PTPRA: variants seen among roughly 807,000 people sequenced by gnomAD.
PTPRA encodes protein tyrosine phosphatase receptor type A.
A neutral mutation model predicts 104.8 loss-of-function variants in PTPRA; 25 were observed. The observed-to-expected ratio is 0.24, with a 90% CI of 0.17 to 0.33. PTPRA has a LOEUF of 0.33. Ranked by LOEUF, PTPRA falls within the 10% of genes least tolerant of loss-of-function variation. The pLI is 1.00. For missense variants in PTPRA, 765 were observed against 1,015.3 expected, an observed-to-expected ratio of 0.75 and a Z score of 3.35; for synonymous variants, 323 against 368.9, an observed-to-expected ratio of 0.88 and a Z score of 1.43.
At chr20:3,021,278 G>A (rs2064855359) in intron 13 of PTPRA, 31 bp from the exon 14 acceptor site, 1 of 1,613,052 alleles carries the variant, frequency 6.2e-7, no homozygotes. Flanking sequence ...GGAGGTCTAA[G>A]GTCAGGGAAT....
At chr20:2,894,480 T>G (rs921355051) in intron 1 of PTPRA, among the ~76,000 whole-genome samples, 88 of 152,142 alleles carry the variant, frequency 5.8e-4, no homozygotes, top group Non-Finnish European at 2.8e-4. Context: ...TCAGTTTTTT[T>G]GTGTTTTTTT....
At chr20:2,993,117 C>T (rs1378245934) in intron 9 of PTPRA, among the ~76,000 whole-genome samples, 1 of 151,616 alleles carries the variant, frequency 6.6e-6, no homozygotes, top group Non-Finnish European at 1.5e-5. Context: ...ATTGATTGAT[C>T]AGATGGATTA....
Position 3,037,523 on chromosome 20 carries a change from GC to G in PTPRA, c.2334+238del, listed in dbSNP as rs1385223581. On this transcript the variant is annotated intron_variant, in intron 23 of 23. Transcript: ENST00000399903. This position sits in a 1 kb window ranked among gnomAD's most constrained non-coding sequence, Gnocchi z 4.3. ...GCCAGGTTAGAAGGGGTGTCTGGGT[GC>G]CCCACAGGGCTCATCTGTACTTCTC... 1.3e-5 allele frequency among the ~76,000 whole-genome samples: 2 copies of G among 152,198 alleles called. No homozygotes were observed. The highest frequency in any genetic ancestry group is 4.8e-5 in the African/African-American group (2 of 41,450).
At chr20:2,867,494 ACCCCC>A in the PTPRA span, among the ~76,000 whole-genome samples, 1 of 102,826 alleles carries the variant, frequency 9.7e-6, no homozygotes, top group Non-Finnish European at 1.8e-5. Context: ...ACTCCAGTGC[ACCCCC>A]TCTGCTCTCC....
intron 1 of PTPRA, among the ~76,000 whole-genome samples, chr20:2,900,886 A>G (rs1296782402): frequency 2.6e-5 from 4 of 151,950 alleles, no homozygotes. Flanking sequence ...CTTCTCCAAA[A>G]TTTTAAAAAT....
intron 12 of PTPRA, 43 bp from the exon 13 acceptor site, chr20:3,017,773 T>C (rs2064541369): frequency 6.5e-7 from 1 of 1,546,460 alleles, no homozygotes; most frequent in Non-Finnish European, 8.9e-7. Flanking sequence ...GCATCTTTCT[T>C]CTTGGTGTAT....
chr20:3,035,738 C>T lies in PTPRA; in HGVS notation c.2046+28C>T, dbSNP rs368649420. 1 of 1,614,174 alleles carries T rather than the reference C, an allele frequency of 6.2e-7. No individual in the cohort carries two copies. Among genetic ancestry groups the T allele is most frequent in the Non-Finnish European group, 8.5e-7 (1 of 1,180,032 alleles). ...AAGATGGGTCGTGGGTGGACTCTGC[C>T]CACAGGAAAAGCAGGGTTACCCCTG... On this transcript the variant is annotated intron_variant, in intron 21 of 23. Transcript: ENST00000399903. The surrounding 1 kb of genome is among the most constrained non-coding windows in gnomAD (Gnocchi z 5.8).
At chr20:2,923,342 T>TA in intron 2 of PTPRA, 57 bp downstream of exon 2, 1 of 1,172,336 alleles carries the variant, frequency 8.5e-7, no homozygotes, top group Non-Finnish European at 1.1e-6. Context: ...GTAGTGTCCT[T>TA]AAATAAAGCT....
intron 2 of PTPRA, among the ~76,000 whole-genome samples, chr20:2,927,270 GT>G (rs777742457): frequency 6.6e-6 from 1 of 152,114 alleles, no homozygotes; most frequent in Non-Finnish European, 1.5e-5. Context: ...CATTTTCTGG[GT>G]TTTTATTTCT....
In PTPRA at chr20:3,022,854, G is replaced by A. The variant is rs1345436494; in HGVS notation, c.1464+30G>A. The A allele has an allele frequency of 1.8e-5, 29 of 1,613,694 alleles. No homozygotes were observed. Among genetic ancestry groups the A allele is most frequent in the Non-Finnish European group, 2.3e-5 (27 of 1,179,862 alleles). ...GTGATCTGTGGGTCAGGTGAGGGTG[G>A]GGGGTTCCAGGACTAAAACATCTGC... On this transcript the variant is annotated intron_variant, in intron 16 of 23. Coordinates refer to ENST00000399903, the MANE Select transcript of PTPRA (RefSeq NM_001385305.1). The surrounding 1 kb of genome is among the most constrained non-coding windows in gnomAD (Gnocchi z 4.6).
chr20:2,975,621 G>A (rs1250394964), intron 6 of PTPRA, among the ~76,000 whole-genome samples: 2 of 152,082 alleles, frequency 1.3e-5, no homozygotes, highest in Non-Finnish European at 2.9e-5. Context: ...TTTTCCCCTA[G>A]TGTATAAAAT....
intron 1 of PTPRA, among the ~76,000 whole-genome samples, chr20:2,893,296 A>G (rs1018615399): frequency 2.6e-5 from 4 of 152,238 alleles, no homozygotes; most frequent in African/African-American, 7.2e-5. Flanking sequence ...AGCTTTGTAG[A>G]GTGAACTGGT....
chr20:3,015,010 C>T (rs991228332), intron 11 of PTPRA, among the ~76,000 whole-genome samples: 1 of 152,236 alleles, frequency 6.6e-6, no homozygotes, highest in Non-Finnish European at 1.5e-5. Context: ...TCTTGTCCCC[C>T]ACTGCCTGTG....
chr20:2,864,513 G>A, the PTPRA span: 1 of 1,614,110 alleles, frequency 6.2e-7, no homozygotes. This position sits in a 1 kb window ranked among gnomAD's most constrained non-coding sequence, Gnocchi z 5.2. Flanking sequence ...ACTTGAGTTG[G>A]CCTTGCTGAC....
At chr20:3,021,457 C>A in intron 14 of PTPRA, 29 bp downstream of exon 14, 3 of 1,612,542 alleles carry the variant, frequency 1.9e-6, no homozygotes, top group South Asian at 1.1e-5. Context: ...TTTCTCAGTT[C>A]TTATGTTGGA....
At chr20:2,942,473 T>G (rs1413211721) in intron 2 of PTPRA, among the ~76,000 whole-genome samples, 1 of 152,062 alleles carries the variant, frequency 6.6e-6, no homozygotes, top group Non-Finnish European at 1.5e-5. Flanking sequence ...CAGCATATAA[T>G]TGAGGGCTTT....
intron 20 of PTPRA, among the ~76,000 whole-genome samples, chr20:3,029,833 A>G (rs2065345165): frequency 6.6e-6 from 1 of 152,038 alleles, no homozygotes. Flanking sequence ...CAGTGTCTTC[A>G]TCATCATTAA....
chr20:3,029,522 T>G (rs1056922724), intron 20 of PTPRA, among the ~76,000 whole-genome samples: 1 of 142,832 alleles, frequency 7.0e-6, no homozygotes, highest in African/African-American at 2.6e-5. Context: ...ACAGACATAC[T>G]TTGTAGGTCT....
chr20:3,036,488 C>T (rs1442268364), intron 22 of PTPRA, among the ~76,000 whole-genome samples: 2 of 152,254 alleles, frequency 1.3e-5, no homozygotes, highest in South Asian at 2.1e-4. Flanking sequence ...TGAGCACACT[C>T]CTGCCATGGG....
Sources: allele counts gnomAD v4.1 joint callset (sites outside exome capture counted in the v4.1 genomes callset), GRCh38; gene constraint gnomAD v4.1.1; non-coding constraint Gnocchi (gnomAD v3.1); transcripts MANE v1.5; gene names NCBI Gene and HGNC (gene_info 2026-07-23, HGNC 2026-07-21).